The following DYNC1I1 variants were observed in gnomAD, a reference collection of about 807,000 sequenced individuals.
DYNC1I1 encodes cytoplasmic dynein 1 intermediate chain 1.
Under a neutral mutation model 86.6 loss-of-function variants are expected in DYNC1I1, and 43 were observed. That is an observed-to-expected ratio of 0.50 (90% CI 0.39 to 0.64). The LOEUF (loss-of-function observed/expected upper bound fraction) is 0.64, where lower values mean the gene tolerates loss of function less well. Ranked by LOEUF, DYNC1I1 falls within the 30% of genes least tolerant of loss-of-function variation. The pLI is 0.00. For missense variants in DYNC1I1, 604 were observed against 788.8 expected (o/e 0.77, Z 2.81); for synonymous variants, 262 against 283.7 (o/e 0.92, Z 0.77).
At chr7:95,808,126 G>A (rs1484384580) in intron 2 of DYNC1I1, among the ~76,000 whole-genome samples, 1 of 151,912 alleles carries the variant, frequency 6.6e-6, no homozygotes, top group Non-Finnish European at 1.5e-5. Flanking sequence ...TGAATCCATG[G>A]GATATCGACT....
intron 6 of DYNC1I1, among the ~76,000 whole-genome samples, chr7:95,959,323 A>C (rs1178443801): frequency 6.6e-6 from 1 of 152,366 alleles, no homozygotes; most frequent in Non-Finnish European, 1.5e-5. Flanking sequence ...TCTTCCAGCA[A>C]CATTGGAAGG....
At chr7:96,050,416 T>C (rs1181703637) in intron 14 of DYNC1I1, among the ~76,000 whole-genome samples, 1 of 152,226 alleles carries the variant, frequency 6.6e-6, no homozygotes, top group East Asian at 1.9e-4. Context: ...ATACTGTAGT[T>C]AAATGAAAAA....
intron 5 of DYNC1I1, among the ~76,000 whole-genome samples, chr7:95,846,627 C>G (rs2706874): frequency 0.89 from 121,493 of 136,070 alleles, 54,572 homozygotes; most frequent in Non-Finnish European, 0.96. Flanking sequence ...ATCTCTCTCT[C>G]TGTGTGTGTG....
chr7:96,025,847 G>C (rs577535691), intron 10 of DYNC1I1, among the ~76,000 whole-genome samples: 10 of 151,602 alleles, frequency 6.6e-5, no homozygotes, highest in South Asian at 2.1e-4. Flanking sequence ...TTGCGGGGGG[G>C]GGATATTTGC....
chr7:96,105,313 CTTTTCTT>C (rs962612046), intron 16 of DYNC1I1, among the ~76,000 whole-genome samples: 42 of 151,434 alleles, frequency 2.8e-4, no homozygotes, highest in African/African-American at 9.9e-4. Context: ...CCTCCTGTTT[CTTTTCTT>C]TTTTCTTTTT....
intron 4 of DYNC1I1, chr7:95,818,482 T>A (rs1411049099): frequency 4.5e-6 from 3 of 663,064 alleles, no homozygotes; most frequent in African/African-American, 1.8e-5. Context: ...AATTTTTTTT[T>A]TTTTTTTTTT....
At chr7:95,982,507 T>C (rs1793482610) in intron 7 of DYNC1I1, among the ~76,000 whole-genome samples, 1 of 152,078 alleles carries the variant, frequency 6.6e-6, no homozygotes, top group South Asian at 2.1e-4. Flanking sequence ...AGAAAAAAAT[T>C]ACAGAAAATT....
chr7:95,807,660 G>C (rs1325971814), intron 2 of DYNC1I1, among the ~76,000 whole-genome samples: 1 of 151,876 alleles, frequency 6.6e-6, no homozygotes, highest in East Asian at 1.9e-4. Flanking sequence ...ATCATCCTTT[G>C]CCTGGCTGTT....
chr7:96,026,962 T>G (rs528693216), intron 10 of DYNC1I1, among the ~76,000 whole-genome samples: 1 of 152,204 alleles, frequency 6.6e-6, no homozygotes, highest in Non-Finnish European at 1.5e-5. Context: ...GGTGTGCAAG[T>G]TGTGCTCTGC....
At chr7:96,024,591 C>T (rs1249307569) in intron 10 of DYNC1I1, among the ~76,000 whole-genome samples, 1 of 151,984 alleles carries the variant, frequency 6.6e-6, no homozygotes, top group African/African-American at 2.4e-5. Context: ...TATTAGTCTC[C>T]ATTTAATAAT....
At chr7:95,980,284 T>G (rs951364045) in intron 7 of DYNC1I1, among the ~76,000 whole-genome samples, 2 of 152,130 alleles carry the variant, frequency 1.3e-5, no homozygotes, top group Admixed American at 6.5e-5. Flanking sequence ...TAAAAGGATG[T>G]TTATGTTGGC....
intron 6 of DYNC1I1, among the ~76,000 whole-genome samples, chr7:95,912,978 T>TA (rs934480342): frequency 4.6e-5 from 7 of 151,868 alleles, no homozygotes; most frequent in East Asian, 1.9e-4. Context: ...GCAAGTTGGC[T>TA]AAAAAAAAGA....
At chr7:95,966,422 G>A (rs952695268) in intron 6 of DYNC1I1, among the ~76,000 whole-genome samples, 1 of 152,192 alleles carries the variant, frequency 6.6e-6, no homozygotes, top group Admixed American at 6.5e-5. Flanking sequence ...GGGAGAATGT[G>A]TCCACCAAAG....
chr7:95,887,838 G>A (rs1025868378), intron 6 of DYNC1I1, among the ~76,000 whole-genome samples: 4 of 152,094 alleles, frequency 2.6e-5, no homozygotes, highest in African/African-American at 9.7e-5. Flanking sequence ...TATGGGCTTG[G>A]GTGCATTATT....
chr7:95,876,916 G>A (rs910922033), intron 6 of DYNC1I1, among the ~76,000 whole-genome samples: 7 of 152,006 alleles, frequency 4.6e-5, no homozygotes, highest in African/African-American at 1.7e-4. Flanking sequence ...AAATATCTGG[G>A]AGCAGTCCTA....
chr7:96,108,575 G>A (rs1385661336), intron 16 of DYNC1I1, among the ~76,000 whole-genome samples: 1 of 151,714 alleles, frequency 6.6e-6, no homozygotes, highest in Non-Finnish European at 1.5e-5. Flanking sequence ...TTTTTCTCTG[G>A]GGTATAGGCC....
At chr7:96,004,160 A>G (rs1016671111) in intron 10 of DYNC1I1, among the ~76,000 whole-genome samples, 2 of 152,194 alleles carry the variant, frequency 1.3e-5, no homozygotes, top group Admixed American at 6.5e-5. Context: ...TCTAACCTCT[A>G]TTGTAACAAA....
At chr7:95,806,614 G>C (rs1369514721) in intron 2 of DYNC1I1, among the ~76,000 whole-genome samples, 2 of 152,212 alleles carry the variant, frequency 1.3e-5, no homozygotes, top group Admixed American at 1.3e-4. Flanking sequence ...ATTGAAGCTT[G>C]TGATAACTGA....
At position 96,098,151 on chromosome 7, in the gene DYNC1I1, C is replaced by T. The variant is rs1791071365; in HGVS notation, c.*558C>T. On this transcript the variant is annotated 3_prime_UTR_variant, in exon 17 of 17. Coordinates refer to ENST00000447467, the MANE Select transcript of DYNC1I1 (RefSeq NM_001135556.2). ...AAAATAAATGATCCTAGAGCATGTG[C>T]ATAATGAGAGGACTGTATTCTCTCT... is the stretch of plus-strand genomic sequence containing the variant. The T allele has an allele frequency of 1.0e-6, 1 of 985,956 alleles. No homozygotes were observed. The allele number at this position is 985,956 out of a possible 1,614,324, so 61.1% of individuals were successfully genotyped here. A position where few individuals can be genotyped will look rare whatever the true frequency, so the allele number is the denominator to read the frequency against.
Sources: gnomAD v4.1 joint callset for allele counts (sites outside exome capture counted in the v4.1 genomes callset) on GRCh38, gnomAD v4.1.1 for gene constraint, MANE v1.5 for transcripts, NCBI Gene and HGNC (gene_info 2026-07-23, HGNC 2026-07-21) for gene names.